The following ECPAS variants were observed in gnomAD, a reference collection of about 807,000 sequenced individuals.
ECPAS encodes the protein Ecm29 proteasome adaptor and scaffold, also known as proteasome adapter and scaffold protein ECM29.
Under a neutral mutation model 255.1 loss-of-function variants are expected in ECPAS, and 70 were observed. That is an observed-to-expected ratio of 0.27 (90% CI 0.23 to 0.33). The LOEUF (loss-of-function observed/expected upper bound fraction) is 0.33. ECPAS is among the 10% of genes least tolerant of loss of function. The pLI, the probability that ECPAS is intolerant of heterozygous loss-of-function variation, is 1.00. For synonymous variants in ECPAS, 784 were observed against 775.0 expected, an observed-to-expected ratio of 1.01 and a Z score of -0.19; for missense variants, 1,817 against 2,206.4, an observed-to-expected ratio of 0.82 and a Z score of 3.54.
chr9:111,473,446 G>A (rs1037322144), intron 1 of ECPAS, among the ~76,000 whole-genome samples: 13 of 151,888 alleles, frequency 8.6e-5, no homozygotes, highest in Admixed American at 2.6e-4. Context: ...ACATAACCCC[G>A]GCCACCGCTG....
At chr9:111,442,450 G>T in intron 4 of ECPAS, 26 bp from the exon 5 acceptor site, 1 of 1,264,734 alleles carries the variant, frequency 7.9e-7, no homozygotes, top group South Asian at 1.3e-5. Flanking sequence ...AAAAGCAAGT[G>T]AGTGTGAAGG....
chr9:111,448,801 A>G (rs2098256557), intron 3 of ECPAS, among the ~76,000 whole-genome samples: 1 of 152,352 alleles, frequency 6.6e-6, no homozygotes, highest in South Asian at 2.1e-4. Flanking sequence ...AATATTTTGA[A>G]ACTAAAAACA....
chr9:111,477,351 AT>A (rs2098297646), intron 1 of ECPAS, among the ~76,000 whole-genome samples: 1 of 151,986 alleles, frequency 6.6e-6, no homozygotes, highest in Non-Finnish European at 1.5e-5. Flanking sequence ...CTCTCAACTT[AT>A]CCCCCAGCCT....
intron 9 of ECPAS, 86 bp downstream of exon 9, chr9:111,430,461 G>T: frequency 1.2e-6 from 1 of 836,774 alleles, no homozygotes. Context: ...CAGCTTAAAT[G>T]AAACTAGAAG....
At chr9:111,366,025 T>G (rs538328826) in intron 48 of ECPAS, 3 of 524,940 alleles carry the variant, frequency 5.7e-6, no homozygotes, top group East Asian at 6.1e-5. Context: ...AAAATACTTG[T>G]CACGAAGGTT....
In ECPAS at chr9:111,375,170, G is replaced by A. The variant is rs764441380; in HGVS notation, c.4053C>T (p.Gly1351=). 92 of 1,613,478 alleles carry A rather than the reference G, an allele frequency of 5.7e-5. No individual in the cohort carries two copies. Among genetic ancestry groups the A allele is most frequent in the African/African-American group, 1.3e-4 (10 of 74,876 alleles). ...GTTCACACAACCTAGGAACTAGCTC[G>A]CCCAGCACTGACACATCAAGGTATT... ...CLQYLDVSVL[G]ELVPRLCELI... Residue 1351 remains glycine, a synonymous_variant, in exon 38 of 50, where the codon GGC becomes GGT. Coordinates refer to ENST00000684092, the MANE Select transcript of ECPAS (RefSeq NM_001364929.1).
rs149926215 is a variant in ECPAS, at chr9:111,382,426, G to A, written c.3803+785C>T. Among the ~76,000 whole-genome samples, 97 of 151,704 alleles carry A rather than the reference G, an allele frequency of 6.4e-4. 1 individual carries two copies. The East Asian group carries it at 0.016, about 25-fold the overall frequency. ...ATTACAGGCATGCACCACCACACCC[G>A]GCTAATTTTTTTTGTATTTTTAGTA... On this transcript the variant is annotated intron_variant, in intron 35 of 49. Coordinates refer to ENST00000684092, the MANE Select transcript of ECPAS (RefSeq NM_001364929.1).
chr9:111,483,026 G>A (rs1194209685), intron 1 of ECPAS, among the ~76,000 whole-genome samples: 1 of 152,188 alleles, frequency 6.6e-6, no homozygotes, highest in African/African-American at 2.4e-5. Flanking sequence ...CCGCCTATTC[G>A]TGACCTTTCG....
intron 2 of ECPAS, among the ~76,000 whole-genome samples, chr9:111,469,350 T>C (rs899522666): frequency 2.6e-5 from 4 of 151,524 alleles, no homozygotes; most frequent in East Asian, 3.9e-4. Flanking sequence ...CCGGCCAACA[T>C]GGTGAAACCC....
chr9:111,409,997 A>G (rs989963294), intron 23 of ECPAS, 44 bp downstream of exon 23: 151 of 1,464,178 alleles, frequency 1.0e-4, no homozygotes, highest in Non-Finnish European at 1.3e-4. Context: ...GTATGCATAG[A>G]AAGACCGAAT....
chr9:111,475,967 G>C (rs2098295733), intron 1 of ECPAS, among the ~76,000 whole-genome samples: 1 of 152,142 alleles, frequency 6.6e-6, no homozygotes, highest in African/African-American at 2.4e-5. Context: ...TATGGTCACA[G>C]AATCATGTTC....
At chr9:111,376,214 T>C (rs757833803) in intron 37 of ECPAS, among the ~76,000 whole-genome samples, 8 of 152,184 alleles carry the variant, frequency 5.3e-5, no homozygotes, top group South Asian at 2.1e-4. Flanking sequence ...AGACTACAGA[T>C]GTAAATTTAT....
intron 30 of ECPAS, 91 bp downstream of exon 30, chr9:111,389,893 A>T (rs535667111): frequency 8.8e-7 from 1 of 1,132,374 alleles, no homozygotes; most frequent in African/African-American, 1.5e-5. Flanking sequence ...CTTTCACAAA[A>T]TGCACTACAT....
chr9:111,425,349 A>T, intron 12 of ECPAS, 69 bp downstream of exon 12: 1 of 1,021,148 alleles, frequency 9.8e-7, no homozygotes, highest in Non-Finnish European at 1.4e-6. Flanking sequence ...ACATTGACAG[A>T]CCAGAAATAT....
At chr9:111,427,167 A>AG (rs1444293168) in intron 10 of ECPAS, among the ~76,000 whole-genome samples, 1 of 150,354 alleles carries the variant, frequency 6.7e-6, no homozygotes, top group Non-Finnish European at 1.5e-5. Flanking sequence ...TCAGAAAAAA[A>AG]AAAAAAGCAA....
At chr9:111,473,489 G>A (rs1226849040) in intron 1 of ECPAS, among the ~76,000 whole-genome samples, 1 of 152,060 alleles carries the variant, frequency 6.6e-6, no homozygotes, top group Non-Finnish European at 1.5e-5. Context: ...TCCTTTCTCT[G>A]ATTATCTTCC....
At chr9:111,389,069 C>T (rs2098155211) in intron 31 of ECPAS, among the ~76,000 whole-genome samples, 1 of 152,154 alleles carries the variant, frequency 6.6e-6, no homozygotes, top group Admixed American at 6.5e-5. Flanking sequence ...ATAGAGAAGG[C>T]TCAGAGAGCA....
intron 7 of ECPAS, 115 bp from the exon 8 acceptor site, chr9:111,433,487 G>T (rs1490332604): frequency 1.0e-6 from 1 of 995,576 alleles, no homozygotes. Context: ...AGTAACAACA[G>T]TAGCAGCTCC....
At chr9:111,424,932 G>A (rs957837756) in intron 12 of ECPAS, among the ~76,000 whole-genome samples, 1 of 152,154 alleles carries the variant, frequency 6.6e-6, no homozygotes, top group African/African-American at 2.4e-5. Flanking sequence ...CACTTAGGGA[G>A]GCCGAGGCAG....
Sources: gnomAD v4.1 joint callset for allele counts (sites outside exome capture counted in the v4.1 genomes callset) on GRCh38, gnomAD v4.1.1 for gene constraint, MANE v1.5 for transcripts, NCBI Gene and HGNC (gene_info 2026-07-23, HGNC 2026-07-21) for gene names.